Variants in TEX9 observed in about 807,000 individuals in gnomAD.
TEX9 encodes testis-expressed protein 9.
A neutral mutation model predicts 59.6 loss-of-function variants in TEX9; 74 were observed. The ratio of observed to expected loss-of-function variants is 1.24; its 90% CI spans 1.03 to 1.51. The LOEUF (loss-of-function observed/expected upper bound fraction) is 1.51. Among genes scored for constraint, TEX9 ranks in the 40% most tolerant of loss-of-function variants. The probability of loss-of-function intolerance (pLI) is 0.00; values close to 1 mark genes in which losing one functional copy is unlikely to be tolerated. For synonymous variants in TEX9, 186 were observed against 152.2 expected, an observed-to-expected ratio of 1.22 and a Z score of -1.64; for missense variants, 522 against 447.8, an observed-to-expected ratio of 1.17 and a Z score of -1.49.
chr15:56,373,535 A>G (rs1171591974), intron 3 of TEX9, 31 bp downstream of exon 3: 2 of 1,490,276 alleles, frequency 1.3e-6, no homozygotes, highest in Admixed American at 2.5e-5. Context: ...TAATAATTCT[A>G]TATAAATGCT....
chr15:56,283,138 C>A (rs1310150979), intron 1 of TEX9, among the ~76,000 whole-genome samples: 1 of 151,326 alleles, frequency 6.6e-6, no homozygotes, highest in Non-Finnish European at 1.5e-5. Flanking sequence ...AACAGTGGTC[C>A]CCAATGAGCA....
intron 1 of TEX9, among the ~76,000 whole-genome samples, chr15:56,267,922 A>G (rs1235017316): frequency 6.6e-6 from 1 of 152,134 alleles, no homozygotes; most frequent in Non-Finnish European, 1.5e-5. Flanking sequence ...CTTAAACAGT[A>G]TGGCCATTTT....
At chr15:56,430,930 G>A (rs1029349843) in intron 12 of TEX9, among the ~76,000 whole-genome samples, 5 of 152,174 alleles carry the variant, frequency 3.3e-5, no homozygotes, top group Admixed American at 3.3e-4. Flanking sequence ...GGAGGCTGAG[G>A]CAGATGGATC....
intron 1 of TEX9, among the ~76,000 whole-genome samples, chr15:56,358,344 T>TG (rs1295614383): frequency 1.3e-5 from 2 of 151,924 alleles, no homozygotes; most frequent in African/African-American, 4.8e-5. Flanking sequence ...GATAAGTTTT[T>TG]TTTTTTTTTC....
intron 9 of TEX9, among the ~76,000 whole-genome samples, chr15:56,407,534 C>G (rs905286093): frequency 3.9e-5 from 6 of 151,938 alleles, no homozygotes; most frequent in Admixed American, 1.3e-4. Context: ...TTTATAATAC[C>G]TGTATGATGT....
intron 1 of TEX9, among the ~76,000 whole-genome samples, chr15:56,328,707 G>A (rs1054890103): frequency 6.6e-5 from 10 of 152,122 alleles, no homozygotes; most frequent in Non-Finnish European, 1.0e-4. Flanking sequence ...TTGTGGAAAG[G>A]GGAGAGAGAA....
intron 1 of TEX9, among the ~76,000 whole-genome samples, chr15:56,267,341 A>G (rs2044411065): frequency 1.3e-5 from 2 of 152,004 alleles, no homozygotes; most frequent in African/African-American, 4.8e-5. Flanking sequence ...ATTAGATCCC[A>G]TTTGTCTATT....
At chr15:56,389,226 C>G in intron 5 of TEX9, 92 bp from the exon 6 acceptor site, 2 of 968,650 alleles carry the variant, frequency 2.1e-6, no homozygotes, top group Non-Finnish European at 3.2e-6. Context: ...AGCAGTTTTT[C>G]TGTGTAGCAA....
chr15:56,322,891 G>A (rs1278816627), intron 1 of TEX9, among the ~76,000 whole-genome samples: 4 of 152,138 alleles, frequency 2.6e-5, no homozygotes, highest in Non-Finnish European at 5.9e-5. Flanking sequence ...GATGCTAAGA[G>A]TATAGTAGGA....
chr15:56,245,106 A>C (rs1420090801), intron 1 of TEX9, among the ~76,000 whole-genome samples: 1 of 151,920 alleles, frequency 6.6e-6, no homozygotes, highest in African/African-American at 2.4e-5. Context: ...CTGTGTGTGG[A>C]CTTTGGGCTG....
intron 1 of TEX9, among the ~76,000 whole-genome samples, chr15:56,343,117 C>G (rs908356128): frequency 1.3e-5 from 2 of 151,988 alleles, no homozygotes; most frequent in African/African-American, 4.8e-5. Flanking sequence ...AAAGAAAAAT[C>G]TGATAGGTTT....
chr15:56,331,177 G>A (rs2046131431), intron 1 of TEX9, among the ~76,000 whole-genome samples: 1 of 152,128 alleles, frequency 6.6e-6, no homozygotes, highest in Non-Finnish European at 1.5e-5. Context: ...GAGGTAATGA[G>A]AGAGATAGAC....
intron 1 of TEX9, among the ~76,000 whole-genome samples, chr15:56,348,969 C>T (rs752447161): frequency 3.3e-5 from 5 of 151,828 alleles, no homozygotes; most frequent in Admixed American, 6.6e-5. Context: ...TTCTACGGAC[C>T]TATCTTCAGG....
At chr15:56,394,237 G>A in exon 8 of TEX9, 1 of 1,602,984 alleles carries the variant, frequency 6.2e-7, no homozygotes, top group South Asian at 1.1e-5. Flanking sequence ...GTATGTGAAT[G>A]CAATAAAAAG....
chr15:56,453,267 C>T, the TEX9 span, among the ~76,000 whole-genome samples: 4 of 152,044 alleles, frequency 2.6e-5, no homozygotes, highest in Admixed American at 2.6e-4. Flanking sequence ...ATACATGTAC[C>T]TCTTGCAGTT....
chr15:56,331,194 A>G (rs2046131775), intron 1 of TEX9, among the ~76,000 whole-genome samples: 1 of 152,198 alleles, frequency 6.6e-6, no homozygotes, highest in Admixed American at 6.5e-5. Flanking sequence ...AGACCTCAAT[A>G]TAATAATAGC....
chr15:56,276,286 C>T (rs1256730910), intron 1 of TEX9, among the ~76,000 whole-genome samples: 1 of 152,038 alleles, frequency 6.6e-6, no homozygotes, highest in African/African-American at 2.4e-5. Context: ...AGGTTTTAAA[C>T]CCTGCATGTA....
intron 12 of TEX9, among the ~76,000 whole-genome samples, chr15:56,435,738 A>C (rs1271370649): frequency 6.6e-6 from 1 of 151,982 alleles, no homozygotes; most frequent in African/African-American, 2.4e-5. Context: ...AATTCTATCA[A>C]ATATTTAAAA....
chr15:56,391,410 T>G, exon 7 of TEX9: 2 of 1,521,564 alleles, frequency 1.3e-6, no homozygotes, highest in Non-Finnish European at 1.8e-6. Context: ...AGTAATGACA[T>G]TGGAACAGGT....
Sources: allele counts gnomAD v4.1 joint callset (sites outside exome capture counted in the v4.1 genomes callset), GRCh38; gene constraint gnomAD v4.1.1; transcripts MANE v1.5; gene names NCBI Gene and HGNC (gene_info 2026-07-23, HGNC 2026-07-21).